The following CACNG7 variants were observed in gnomAD, a reference collection of about 807,000 sequenced individuals.
CACNG7 encodes calcium voltage-gated channel auxiliary subunit gamma 7.
CACNG7 carries 9 observed loss-of-function variants against 26.3 expected under a neutral mutation model. The observed-to-expected ratio is 0.34, with a 90% CI of 0.21 to 0.60. The LOEUF (loss-of-function observed/expected upper bound fraction) is 0.60, where lower values mean the gene tolerates loss of function less well. Among genes scored for constraint, CACNG7 ranks in the 20% least tolerant of loss-of-function variants. The pLI is 0.81. For synonymous variants in CACNG7, 170 were observed against 157.0 expected, an observed-to-expected ratio of 1.08 and a Z score of -0.62; for missense variants, 297 against 380.4, an observed-to-expected ratio of 0.78 and a Z score of 1.82.
Position 53,915,553 on chromosome 19 carries a change from G to A in CACNG7, c.424+48G>A, listed in dbSNP as rs755682866. On this transcript the variant is annotated intron_variant, in intron 4 of 5. Transcript: ENST00000391767. ...TGGGGGGGACCATTTCCAGTTCCAG[G>A]GACCTGTGGTTCCTTTTCCACTTAG... 4.4e-6 allele frequency: 7 copies of A among 1,606,742 alleles called. No individual in the cohort carries two copies. The Admixed American group carries it at 6.7e-5, about 15-fold the overall frequency.
At chr19:53,931,983 G>A (rs1424360162) in intron 4 of CACNG7, among the ~76,000 whole-genome samples, 1 of 151,246 alleles carries the variant, frequency 6.6e-6, no homozygotes, top group East Asian at 2.0e-4. Context: ...GGATGGTCTC[G>A]ATCTCCTGAC....
chr19:53,925,666 C>T (rs116441998), intron 4 of CACNG7, among the ~76,000 whole-genome samples: 4,121 of 152,290 alleles, frequency 0.027, 164 homozygotes, highest in African/African-American at 0.089. Context: ...AGTGGAAGGG[C>T]TCAGGCAGGA....
At chr19:53,926,998 T>C (rs2069035959) in intron 4 of CACNG7, among the ~76,000 whole-genome samples, 1 of 152,156 alleles carries the variant, frequency 6.6e-6, no homozygotes, top group African/African-American at 2.4e-5. Flanking sequence ...TCTTGCTTTG[T>C]CACCCAGGCT....
At chr19:53,922,770 T>A (rs1292493284) in intron 4 of CACNG7, among the ~76,000 whole-genome samples, 1 of 50,290 alleles carries the variant, frequency 2.0e-5, no homozygotes, top group Non-Finnish European at 3.3e-5. Context: ...GGTGGGGTTG[T>A]CCCAGGCTCG....
At chr19:53,929,373 T>C (rs2069056155) in intron 4 of CACNG7, among the ~76,000 whole-genome samples, 1 of 152,146 alleles carries the variant, frequency 6.6e-6, no homozygotes, top group South Asian at 2.1e-4. Flanking sequence ...TCAATCTTCC[T>C]TTGCTATAAA....
At chr19:53,919,846 C>T (rs1267460029) in intron 4 of CACNG7, among the ~76,000 whole-genome samples, 1 of 136,978 alleles carries the variant, frequency 7.3e-6, no homozygotes, top group Non-Finnish European at 1.6e-5. Flanking sequence ...GGTGGAGTTG[C>T]CCCAGGCTGG....
intron 4 of CACNG7, among the ~76,000 whole-genome samples, chr19:53,917,898 A>T (rs1006435842): frequency 1.3e-4 from 20 of 152,200 alleles, no homozygotes; most frequent in South Asian, 2.1e-4. Context: ...ATCCATGCTT[A>T]TACCACCCAC....
intron 4 of CACNG7, among the ~76,000 whole-genome samples, chr19:53,918,857 G>A (rs892022575): frequency 3.9e-5 from 6 of 151,920 alleles, no homozygotes; most frequent in African/African-American, 1.2e-4. Flanking sequence ...CAACCTCCGC[G>A]TCCCAGGTTC....
At chr19:53,930,134 A>G (rs150519092) in intron 4 of CACNG7, among the ~76,000 whole-genome samples, 115 of 148,592 alleles carry the variant, frequency 7.7e-4, no homozygotes, top group Non-Finnish European at 1.4e-3. Flanking sequence ...TTATTATATT[A>G]TCCCACCCAC....
chr19:53,940,871 A>G lies in CACNG7; in HGVS notation c.425-599A>G, dbSNP rs1207851256. On this transcript the variant is annotated intron_variant, in intron 4 of 5. Transcript: ENST00000391767. The surrounding 1 kb of genome is among the most constrained non-coding windows in gnomAD (Gnocchi z 4.1). ...GGAGTTTGAGACCAGCCTGGCCAACATGGTGAAACCCCGTCTCTACTAAAA... is the reference window on the plus strand; with the variant it reads ...GGAGTTTGAGACCAGCCTGGCCAACGTGGTGAAACCCCGTCTCTACTAAAA... Among the ~76,000 whole-genome samples, 1 of 151,828 alleles carries G rather than the reference A, an allele frequency of 6.6e-6. No homozygotes were observed. The highest frequency in any genetic ancestry group is 1.9e-4 in the East Asian group (1 of 5,150).
intron 4 of CACNG7, among the ~76,000 whole-genome samples, chr19:53,936,333 T>C (rs2145918568): frequency 6.6e-6 from 1 of 152,346 alleles, no homozygotes; most frequent in African/African-American, 2.4e-5. Context: ...AGGCAGTATC[T>C]GCCAGGTTCT....
At chr19:53,918,007 G>T (rs997049903) in intron 4 of CACNG7, among the ~76,000 whole-genome samples, 4 of 152,216 alleles carry the variant, frequency 2.6e-5, no homozygotes, top group Non-Finnish European at 5.9e-5. Flanking sequence ...ATTCGGAAGA[G>T]ATTGAATCCA....
At chr19:53,921,989 G>A (rs2068961013) in intron 4 of CACNG7, among the ~76,000 whole-genome samples, 1 of 82,744 alleles carries the variant, frequency 1.2e-5, no homozygotes, top group South Asian at 4.5e-4. Context: ...AGTTGCCCCA[G>A]GCCTGGTCAT....
Position 53,942,197 on chromosome 19 carries a change from C to T in CACNG7, c.732C>T (p.Ser244=). The T allele has an allele frequency of 3.7e-6, 6 of 1,614,042 alleles. No individual in the cohort carries two copies. Among genetic ancestry groups the T allele is most frequent in the South Asian group, 1.1e-5 (1 of 91,086 alleles). The change falls in exon 6 of 6, where the codon TCC becomes TCT. Residue 244 remains serine (S), a synonymous_variant. Coordinates refer to ENST00000391767, the MANE Select transcript of CACNG7 (RefSeq NM_031896.5). The surrounding 1 kb of genome is among the most constrained non-coding windows in gnomAD (Gnocchi z 5.9). ...CGTGGCGCCGCGGCCGGAGCCCCTC[C>T]GACATCTCCAGCGACGTGTCCATCC... ...PEAWRRGRSP[S]DISSDVSIQM... is the part of the protein sequence containing the mutation.
In CACNG7 at chr19:53,915,377, C is replaced by T; in HGVS notation, c.296C>T (p.Thr99Met). The change falls in exon 4 of 6, where the codon ACG (threonine) becomes ATG (methionine). Residue 99 changes from threonine to methionine, a missense_variant. Physicochemically the swap from Thr to Met is moderately conservative, Grantham distance 81. Coordinates refer to ENST00000391767, the MANE Select transcript of CACNG7 (RefSeq NM_031896.5). ...NTENILKTVR[T>M]ATPFPMVSLF... is the part of the protein sequence containing the mutation. ...ATCCCCTCCCCAGAGACAGTGCGCA[C>T]GGCCACCCCCTTCCCCATGGTCAGC... The T allele has an allele frequency of 6.2e-7, 1 of 1,613,638 alleles. No homozygotes were observed. The highest frequency in any genetic ancestry group is 8.5e-7 in the Non-Finnish European group (1 of 1,179,644).
At chr19:53,932,345 A>G (rs2069078801) in intron 4 of CACNG7, among the ~76,000 whole-genome samples, 1 of 152,092 alleles carries the variant, frequency 6.6e-6, no homozygotes, top group Non-Finnish European at 1.5e-5. Context: ...CAGTTTCAAC[A>G]ATTACCAACA....
intron 1 of CACNG7, among the ~76,000 whole-genome samples, chr19:53,911,073 A>ATT (rs3039168): frequency 0.19 from 27,227 of 146,064 alleles, 5,958 homozygotes; most frequent in African/African-American, 0.53. Flanking sequence ...CTCATTCATG[A>ATT]TTTTTTTTTT....
chr19:53,919,343 GCCCAGGTCTGGTCATTGGTGGAGTTGT>G (rs2068919798), intron 4 of CACNG7, among the ~76,000 whole-genome samples: 2 of 151,480 alleles, frequency 1.3e-5, no homozygotes, highest in South Asian at 2.1e-4. Context: ...TGGTGGAGTT[GCCCAGGTCTGGTCATTGGTGGAGTTGT>G]CCCAGGTCTG....
At chr19:53,917,013 G>C (rs887259954) in intron 4 of CACNG7, among the ~76,000 whole-genome samples, 2 of 151,972 alleles carry the variant, frequency 1.3e-5, no homozygotes, top group African/African-American at 4.8e-5. Context: ...GGCCAGGCTG[G>C]TCTTGAACTC....
Sources: gnomAD v4.1 joint callset for allele counts (sites outside exome capture counted in the v4.1 genomes callset) on GRCh38, gnomAD v4.1.1 for gene constraint, Gnocchi (gnomAD v3.1) non-coding constraint, MANE v1.5 for transcripts, NCBI Gene and HGNC (gene_info 2026-07-23, HGNC 2026-07-21) for gene names.